Variants in MYO18A observed in about 807,000 individuals in gnomAD.
The protein encoded by MYO18A is myosin XVIIIA, also known as unconventional myosin-XVIIIa.
In MYO18A, 78 loss-of-function variants were observed where a neutral mutation model predicts 235.8. The observed-to-expected ratio is 0.33, with a 90% CI of 0.28 to 0.40. The LOEUF (loss-of-function observed/expected upper bound fraction) is 0.40, where lower values mean the gene tolerates loss of function less well. Ranked by LOEUF, MYO18A falls within the 10% of genes least tolerant of loss-of-function variation. The pLI is 1.00. For missense variants in MYO18A, 2,215 were observed against 2,699.3 expected (o/e 0.82, Z 3.98); for synonymous variants, 977 against 1,077.8 (o/e 0.91, Z 1.83).
At chr17:29,113,332 A>G (rs908704076) in intron 15 of MYO18A, among the ~76,000 whole-genome samples, 14 of 152,240 alleles carry the variant, frequency 9.2e-5, no homozygotes, top group African/African-American at 1.4e-4. Flanking sequence ...CAGTTCTCCA[A>G]TAAAGCACCT....
chr17:29,078,985 CTG>C (rs1018553114), intron 41 of MYO18A: 25 of 152,416 alleles, frequency 1.6e-4, no homozygotes, highest in African/African-American at 5.8e-4. Context: ...GGGTGTGGCG[CTG>C]TGTGGGCTGT....
At chr17:29,168,453 T>C (rs1159757253) in intron 1 of MYO18A, among the ~76,000 whole-genome samples, 1 of 150,700 alleles carries the variant, frequency 6.6e-6, no homozygotes, top group African/African-American at 2.4e-5. Context: ...GCCACCTAAT[T>C]GGAAATTAAA....
intron 40 of MYO18A, 68 bp from the exon 41 acceptor site, chr17:29,082,506 G>A (rs1414626558): frequency 2.0e-6 from 3 of 1,524,960 alleles, no homozygotes; most frequent in African/African-American, 1.4e-5. Flanking sequence ...GGAGCAGATG[G>A]GGGTGCAGGG....
chr17:29,170,835 A>C (rs2068386084), intron 1 of MYO18A, among the ~76,000 whole-genome samples: 1 of 152,222 alleles, frequency 6.6e-6, no homozygotes, highest in African/African-American at 2.4e-5. Flanking sequence ...TCTGTCCATC[A>C]GAGTGCATAA....
chr17:29,131,303 G>A (rs540977851), intron 2 of MYO18A: 207 of 790,242 alleles, frequency 2.6e-4, no homozygotes, highest in African/African-American at 3.6e-4. Context: ...ACACACACAC[G>A]CACACACACA....
intron 26 of MYO18A, 31 bp downstream of exon 26, chr17:29,097,757 C>A: frequency 6.3e-7 from 1 of 1,582,808 alleles, no homozygotes; most frequent in Non-Finnish European, 8.6e-7. Flanking sequence ...CATTGCGGGC[C>A]ACTGCCGAGC....
chr17:29,098,792 C>T (rs748420051), intron 23 of MYO18A, 34 bp downstream of exon 23: 8 of 1,612,538 alleles, frequency 5.0e-6, no homozygotes, highest in Non-Finnish European at 5.1e-6. Context: ...CTTCCCCCTA[C>T]CCAGAGACTT....
At chr17:29,132,399 A>G (rs1287887233) in intron 2 of MYO18A, among the ~76,000 whole-genome samples, 1 of 152,200 alleles carries the variant, frequency 6.6e-6, no homozygotes, top group Admixed American at 6.5e-5. Context: ...AGGCAGTCCT[A>G]TGGATTTAAT....
At chr17:29,113,016 A>C (rs1369218421) in intron 15 of MYO18A, among the ~76,000 whole-genome samples, 1 of 152,210 alleles carries the variant, frequency 6.6e-6, no homozygotes, top group East Asian at 1.9e-4. Flanking sequence ...ACAGAAGAGA[A>C]AGGAGAGCCA....
At chr17:29,148,679 G>A (rs780628091) in intron 2 of MYO18A, among the ~76,000 whole-genome samples, 1 of 152,114 alleles carries the variant, frequency 6.6e-6, no homozygotes, top group South Asian at 2.1e-4. Context: ...TGGTATTGAG[G>A]TGCCAAGATT....
At chr17:29,141,025 C>T (rs1445617324) in intron 2 of MYO18A, among the ~76,000 whole-genome samples, 3 of 152,236 alleles carry the variant, frequency 2.0e-5, no homozygotes, top group South Asian at 2.1e-4. Context: ...GAGACCCACA[C>T]GGGCAGGCCC....
intron 2 of MYO18A, among the ~76,000 whole-genome samples, chr17:29,152,871 A>C (rs1046735011): frequency 1.3e-5 from 2 of 151,862 alleles, no homozygotes; most frequent in African/African-American, 4.8e-5. Context: ...GGCATGCACC[A>C]CCACACTGGG....
Position 29,103,777 on chromosome 17 carries a change from T to C in MYO18A, c.3442-113A>G, listed in dbSNP as rs577787023. 317 of 967,180 alleles carry C rather than the reference T, an allele frequency of 3.3e-4. No individual in the cohort carries two copies. The African/African-American group carries it at 4.8e-3, about 15-fold the overall frequency. The allele number at this position is 967,180 out of a possible 1,614,324, so 59.9% of individuals were successfully genotyped here. ...CTCCTCCTAGACAGTCTGTTATTCA[T>C]GCACTTGCGTGGGCTTCCTCAGTGT... On this transcript the variant is annotated intron_variant, in intron 20 of 41. Coordinates refer to ENST00000527372, the MANE Select transcript of MYO18A (RefSeq NM_078471.4).
Position 29,121,674 on chromosome 17 carries a change from T to C in MYO18A, c.1244A>G (p.Tyr415Cys). 1.3e-6 allele frequency: 2 copies of C among 1,564,778 alleles called. No individual in the cohort carries two copies. The highest frequency in any genetic ancestry group is 1.7e-6 in the Non-Finnish European group (2 of 1,154,662). The part of the protein sequence containing the change: ...DRLEDLASLV[Y>C]LNESSVLHTL... The stretch of plus-strand genomic sequence containing the variant: ...GTGCAGGACGCTGGACTCATTGAGG[T>C]ACACCAGTGAGGCCAGATCCTCCAG... The change falls in exon 5 of 42, where the codon TAC (tyrosine) becomes TGC (cysteine). Residue 415 changes from tyrosine (Y) to cysteine (C), a missense_variant. By Grantham distance (194) the Tyr-to-Cys change is radical. Coordinates refer to ENST00000527372, the MANE Select transcript of MYO18A (RefSeq NM_078471.4). The surrounding 1 kb of genome is among the most constrained non-coding windows in gnomAD (Gnocchi z 4.2).
chr17:29,098,819 C>G lies in MYO18A; in HGVS notation c.3780+7G>C. 1 of 1,613,908 alleles carries G rather than the reference C, an allele frequency of 6.2e-7. No individual in the cohort carries two copies. The highest frequency in any genetic ancestry group is 1.1e-5 in the South Asian group (1 of 91,060). ...CAGAGACTTGGCCCTCTCAGGCTGT[C>G]ACATACGTCTTTGTTCCGGATCTGC... On this transcript the variant is annotated splice_region_variant and intron_variant, in intron 23 of 41. Transcript: ENST00000527372.
At chr17:29,081,651 AGC>A (rs1376756895) in intron 41 of MYO18A, among the ~76,000 whole-genome samples, 1 of 147,994 alleles carries the variant, frequency 6.8e-6, no homozygotes, top group Non-Finnish European at 1.5e-5. Context: ...GTGAGGGGGG[AGC>A]GAGGGCTCTT....
At chr17:29,154,121 T>TGTGTGTGTGTGTGCGCGCGCGCGCGC (rs142430455) in intron 2 of MYO18A, among the ~76,000 whole-genome samples, 56 of 148,980 alleles carry the variant, frequency 3.8e-4, no homozygotes, top group African/African-American at 1.4e-3. Flanking sequence ...TGTGTGTGTG[T>TGTGTGTGTGTGTGCGCGCGCGCGCGC]GCGCGCGCGT....
chr17:29,090,093 T>C lies in MYO18A; in HGVS notation c.5394A>G (p.Gln1798=). 6.2e-7 allele frequency: 1 copy of C among 1,612,294 alleles called. No individual in the cohort carries two copies. Among genetic ancestry groups the C allele is most frequent in the Non-Finnish European group, 8.5e-7 (1 of 1,179,088 alleles). Residue 1798 remains glutamine (Q), a synonymous_variant, in exon 37 of 42, where the codon CAA becomes CAG. Coordinates refer to ENST00000527372, the MANE Select transcript of MYO18A (RefSeq NM_078471.4). Reference sequence around the variant, plus strand: ...GGAACTCCACCTGGCTCTGGAGGGCTTGTAGCTAGAGGTGGGGGACAGGAA... The same window carrying C: ...GGAACTCCACCTGGCTCTGGAGGGCCTGTAGCTAGAGGTGGGGGACAGGAA... ...KEKQELQEKL[Q]ALQSQVEFLE... is the part of the protein sequence containing the mutation.
In MYO18A at chr17:29,094,021, C is replaced by G. The variant is rs1248512642; in HGVS notation, c.4780G>C (p.Asp1594His). The change falls in exon 31 of 42, where the codon GAT becomes CAT. Residue 1594 changes from aspartate (D) to histidine (H), a missense_variant. Coordinates refer to ENST00000527372, the MANE Select transcript of MYO18A (RefSeq NM_078471.4). The stretch of plus-strand genomic sequence containing the variant: ...TGCCGGGCCTCCTCCACCTCCTCAT[C>G]CCGACTCTCCATCTCCTTAGAATGG... ...QTHSKEMESR[D>H]EEVEEARQSC... 3 of 1,612,164 alleles carry G rather than the reference C, an allele frequency of 1.9e-6. No homozygotes were observed. Among genetic ancestry groups the G allele is most frequent in the Non-Finnish European group, 2.5e-6 (3 of 1,179,348 alleles).
Sources: gnomAD v4.1 joint callset for allele counts (sites outside exome capture counted in the v4.1 genomes callset) on GRCh38, gnomAD v4.1.1 for gene constraint, Gnocchi (gnomAD v3.1) non-coding constraint, MANE v1.5 for transcripts, NCBI Gene and HGNC (gene_info 2026-07-23, HGNC 2026-07-21) for gene names.